FGD5: variants seen among roughly 807,000 people sequenced by gnomAD.
FGD5 encodes FYVE, RhoGEF and PH domain-containing protein 5.
A neutral mutation model predicts 133.4 loss-of-function variants in FGD5; 28 were observed. The ratio of observed to expected loss-of-function variants is 0.21; its 90% CI spans 0.16 to 0.29. The LOEUF (loss-of-function observed/expected upper bound fraction) is 0.29. Ranked by LOEUF, FGD5 falls within the 10% of genes least tolerant of loss-of-function variation. FGD5 has a pLI of 1.00. For missense variants in FGD5, 1,858 were observed against 1,895.2 expected (o/e 0.98, Z 0.36); for synonymous variants, 810 against 776.5 (o/e 1.04, Z -0.72).
intron 4 of FGD5, among the ~76,000 whole-genome samples, chr3:14,893,499 A>G (rs1240733048): frequency 1.3e-5 from 2 of 152,102 alleles, no homozygotes; most frequent in African/African-American, 2.4e-5. Context: ...GTGATGCGCC[A>G]ACAAGCCCAG....
chr3:14,826,024 CA>C (rs1446277357), intron 1 of FGD5, among the ~76,000 whole-genome samples: 1 of 152,176 alleles, frequency 6.6e-6, no homozygotes, highest in East Asian at 1.9e-4. Flanking sequence ...GACACAGACT[CA>C]CTTGTCCTAA....
At position 14,910,799 on chromosome 3, in the gene FGD5, A is replaced by G. The variant is rs1161398147; in HGVS notation, c.3337-62A>G. On this transcript the variant is annotated intron_variant, in intron 10 of 19. Transcript: ENST00000285046. ...GTTTCCACTCAGGGGCCTCCCCTGC[A>G]CCCTTGTCTGGGATTCAGGGGGCAT... The G allele has an allele frequency of 4.6e-6, 7 of 1,505,894 alleles. No individual in the cohort carries two copies. The East Asian group carries it at 9.2e-5, about 20-fold the overall frequency. 93.3% of individuals were successfully genotyped at this position (1,505,894 alleles called of 1,614,324 possible).
chr3:14,897,690 C>CG (rs763474834), intron 5 of FGD5, 21 bp downstream of exon 5: 2 of 1,584,096 alleles, frequency 1.3e-6, no homozygotes, highest in Admixed American at 3.7e-5. Flanking sequence ...CCTGGACCCC[C>CG]GGGTTCCACT....
intron 1 of FGD5, among the ~76,000 whole-genome samples, chr3:14,853,604 C>G (rs2037209358): frequency 6.8e-6 from 1 of 147,676 alleles, no homozygotes; most frequent in African/African-American, 2.5e-5. Context: ...GTTGGAGTGC[C>G]CACTGAGAGA....
intron 1 of FGD5, among the ~76,000 whole-genome samples, chr3:14,826,749 TTCTGTCTG>T (rs937315077): frequency 6.6e-6 from 1 of 152,182 alleles, no homozygotes; most frequent in African/African-American, 2.4e-5. Context: ...TGCTGTGTAT[TTCTGTCTG>T]TCTGTCTGTC....
intron 1 of FGD5, among the ~76,000 whole-genome samples, chr3:14,825,085 A>G (rs2036575565): frequency 6.6e-6 from 1 of 152,216 alleles, no homozygotes; most frequent in African/African-American, 2.4e-5. Flanking sequence ...AGCATATAAT[A>G]GAATTCAGAG....
chr3:14,933,391 C>T lies in FGD5; in HGVS notation c.*224C>T. On this transcript the variant is annotated 3_prime_UTR_variant, in exon 20 of 20. Transcript: ENST00000285046. ...GACCTCTCCTTTTCTGTGTTTTCCA[C>T]CCCTACCCCCACCCGCCACCCAGTA... is the stretch of plus-strand genomic sequence containing the variant. 1 of 565,842 alleles carries T rather than the reference C, an allele frequency of 1.8e-6. No homozygotes were observed. The highest frequency in any genetic ancestry group is 2.9e-5 in the East Asian group (1 of 34,262). The allele number at this position is 565,842 out of a possible 1,614,324, so 35.1% of individuals were successfully genotyped here.
rs763184600 is a variant in FGD5 at position 14,924,136 on chromosome 3, G to A, written c.4066G>A (p.Glu1356Lys). 2.5e-6 allele frequency: 4 copies of A among 1,613,960 alleles called. No individual in the cohort carries two copies. In the South Asian group the frequency reaches 4.4e-5, roughly 18 times the overall value. ...GAAGAAAGTCCCTTCAGCCCTGACA[G>A]AGGTAAAGCAGGCAGGGCTACCCAA... Reference protein sequence around the residue: ...KQKKVPSALTEVAASGEGSAI... With the variant: ...KQKKVPSALTKVAASGEGSAI... Residue 1356 changes from glutamate (E) to lysine (K), a missense_variant and splice_region_variant, in exon 17 of 20, where the codon GAG (glutamate) becomes AAG (lysine). Around this residue, in one of 3 missense-constraint regions of FGD5, gnomAD observed 1,824 missense variants for 1,848.9 expected, o/e 0.99. Coordinates refer to ENST00000285046, the MANE Select transcript of FGD5 (RefSeq NM_152536.4).
At chr3:14,882,311 G>A (rs1013028526) in intron 4 of FGD5, 1 of 985,112 alleles carries the variant, frequency 1.0e-6, no homozygotes, top group African/African-American at 1.7e-5. Context: ...TTGCATCTAT[G>A]TTTGCCCTGC....
chr3:14,926,263 C>T lies in FGD5; in HGVS notation c.4197+65C>T, dbSNP rs1451464949. Reference sequence around the variant, plus strand: ...GTGAAATGACCCCCTGGGGCCTGCACACATCCTGTCACTTGCAAAGCTGTG... The same window carrying T: ...GTGAAATGACCCCCTGGGGCCTGCATACATCCTGTCACTTGCAAAGCTGTG... On this transcript the variant is annotated intron_variant, in intron 18 of 19. Coordinates refer to ENST00000285046, the MANE Select transcript of FGD5 (RefSeq NM_152536.4). The T allele has an allele frequency of 4.5e-5, 72 of 1,587,040 alleles. 1 individual carries two copies. The South Asian group carries it at 6.2e-4, about 14-fold the overall frequency.
At chr3:14,861,554 G>A (rs746616594) in intron 1 of FGD5, among the ~76,000 whole-genome samples, 2 of 152,232 alleles carry the variant, frequency 1.3e-5, no homozygotes, top group East Asian at 3.8e-4. Flanking sequence ...CACCTTCAGA[G>A]GCAGTGTATG....
intron 13 of FGD5, among the ~76,000 whole-genome samples, chr3:14,919,163 AAAGTT>A (rs2038622431): frequency 6.6e-6 from 1 of 152,204 alleles, no homozygotes; most frequent in Non-Finnish European, 1.5e-5. Flanking sequence ...AGCAACACGA[AAAGTT>A]AAGGCCAGTA....
intron 1 of FGD5, among the ~76,000 whole-genome samples, chr3:14,828,312 A>G (rs993512809): frequency 6.6e-6 from 1 of 152,212 alleles, no homozygotes; most frequent in South Asian, 2.1e-4. Context: ...TTGAGTAGAC[A>G]TTGCAGGAAA....
At chr3:14,896,463 A>G (rs2125131314) in intron 4 of FGD5, among the ~76,000 whole-genome samples, 1 of 151,782 alleles carries the variant, frequency 6.6e-6, no homozygotes, top group Non-Finnish European at 1.5e-5. Context: ...TAGAGAACCC[A>G]GATGTAACTT....
intron 11 of FGD5, among the ~76,000 whole-genome samples, chr3:14,913,194 G>A (rs550314204): frequency 4.6e-5 from 7 of 152,268 alleles, no homozygotes; most frequent in African/African-American, 1.7e-4. Context: ...TCTCCCCCCA[G>A]GAAAGTGGAA....
intron 1 of FGD5, among the ~76,000 whole-genome samples, chr3:14,853,705 T>C (rs1335536606): frequency 7.3e-6 from 1 of 137,068 alleles, no homozygotes; most frequent in Non-Finnish European, 1.5e-5. Flanking sequence ...CTCAGAGTTA[T>C]GGCTCCCAAC....
chr3:14,865,851 A>G (rs1207388727), intron 2 of FGD5, among the ~76,000 whole-genome samples: 2 of 152,122 alleles, frequency 1.3e-5, no homozygotes, highest in African/African-American at 4.8e-5. Flanking sequence ...TCCTCTCCCA[A>G]GAAGGAGTAT....
At chr3:14,812,620 T>G (rs1020000826) in intron 1 of FGD5, among the ~76,000 whole-genome samples, 1 of 152,310 alleles carries the variant, frequency 6.6e-6, no homozygotes, top group Middle Eastern at 3.4e-3. Flanking sequence ...GATACCAGCC[T>G]CACATTCAGG....
At chr3:14,933,074 G>T in intron 19 of FGD5, 57 bp from the exon 20 acceptor site, 1 of 1,589,926 alleles carries the variant, frequency 6.3e-7, no homozygotes, top group South Asian at 1.1e-5. Flanking sequence ...TAGGTTCTGT[G>T]ACCAGAGTCA....
Sources: allele counts gnomAD v4.1 joint callset (sites outside exome capture counted in the v4.1 genomes callset), GRCh38; gene constraint gnomAD v4.1.1; regional missense constraint gnomAD v4.1.1; transcripts MANE v1.5; gene names NCBI Gene and HGNC (gene_info 2026-07-23, HGNC 2026-07-21).